Variants in AKIRIN1 observed in about 807,000 individuals in gnomAD.
AKIRIN1 encodes the protein akirin-1.
AKIRIN1 carries 4 observed loss-of-function variants against 25.9 expected under a neutral mutation model. The observed-to-expected ratio is 0.15, with a 90% confidence interval of 0.08 to 0.35. AKIRIN1 has a LOEUF of 0.35. Ranked by LOEUF, AKIRIN1 falls within the 10% of genes least tolerant of loss-of-function variation. AKIRIN1 has a pLI of 1.00. For synonymous variants in AKIRIN1, 125 were observed against 105.1 expected (o/e 1.19, Z -1.16); for missense variants, 243 against 266.1 (o/e 0.91, Z 0.61).
intron 3 of AKIRIN1, among the ~76,000 whole-genome samples, chr1:39,002,025 A>C (rs1001262162): frequency 6.6e-6 from 1 of 152,238 alleles, no homozygotes; most frequent in Non-Finnish European, 1.5e-5. Context: ...TTGTGAAAGA[A>C]AGAGATCTGA....
In AKIRIN1 at chr1:39,004,261, A is replaced by T; in HGVS notation, c.*206A>T. The T allele has an allele frequency of 1.4e-6, 1 of 706,682 alleles. No homozygotes were observed. Among genetic ancestry groups the T allele is most frequent in the South Asian group, 1.5e-5 (1 of 67,038 alleles). 43.8% of individuals were successfully genotyped at this position (706,682 alleles called of 1,614,324 possible). A position where few individuals can be genotyped will look rare whatever the true frequency, so the allele number is the denominator to read the frequency against. On this transcript the variant is annotated 3_prime_UTR_variant, in exon 5 of 5. Transcript: ENST00000432648. ...TATCTTTCTTTTCTGCTCATCCAATAAACAGCTGTGCCCTACTGTGATAGA... is the reference window on the plus strand; with the variant it reads ...TATCTTTCTTTTCTGCTCATCCAATTAACAGCTGTGCCCTACTGTGATAGA...
intron 3 of AKIRIN1, among the ~76,000 whole-genome samples, chr1:39,002,816 T>A (rs2148070147): frequency 6.6e-6 from 1 of 152,322 alleles, no homozygotes; most frequent in Non-Finnish European, 1.5e-5. Context: ...CTGAGTCACT[T>A]CTTTGTTCAC....
Position 38,998,320 on chromosome 1 carries a change from A to T in AKIRIN1, c.361+9A>T. 1 of 1,588,168 alleles carries T rather than the reference A, an allele frequency of 6.3e-7. No homozygotes were observed. Among genetic ancestry groups the T allele is most frequent in the Admixed American group, 1.8e-5 (1 of 54,558 alleles). ...AGCACCTAGCTCTCCAGGTAAGCCC[A>T]CTTTGATCTGCAAAATTCGCATTAA... On this transcript the variant is annotated intron_variant, in intron 2 of 4. Coordinates refer to ENST00000432648, the MANE Select transcript of AKIRIN1 (RefSeq NM_024595.3).
intron 1 of AKIRIN1, 21 bp from the exon 2 acceptor site, chr1:38,998,150 A>G (rs929024585): frequency 1.7e-5 from 27 of 1,598,592 alleles, no homozygotes; most frequent in Non-Finnish European, 2.2e-5. Context: ...TGAAAGCTCA[A>G]GTTTGTTTCT....
In AKIRIN1 at chr1:38,994,986, G is replaced by A. The variant is rs969499087; in HGVS notation, c.221-3185G>A. Among the ~76,000 whole-genome samples, 8 of 151,740 alleles carry A rather than the reference G, an allele frequency of 5.3e-5. No homozygotes were observed. In the East Asian group the frequency reaches 5.8e-4, roughly 11 times the overall value. On this transcript the variant is annotated intron_variant, in intron 1 of 4. Coordinates refer to ENST00000432648, the MANE Select transcript of AKIRIN1 (RefSeq NM_024595.3). ...ATTACAGGCATGAGCCACCACACCC[G>A]GCCTACTAATTTTTGTATTTTTTTT...
intron 4 of AKIRIN1, 139 bp downstream of exon 4, chr1:39,003,557 C>A: frequency 1.3e-6 from 1 of 746,172 alleles, no homozygotes; most frequent in Non-Finnish European, 2.2e-6. Flanking sequence ...AAATCCACAC[C>A]AAAGCTTATA....
In AKIRIN1 at chr1:38,994,672, ATTTTTTTTTTTTTTTTTT is replaced by A. The variant is rs10528399; in HGVS notation, c.220+3089_220+3106del. 2.0e-4 allele frequency among the ~76,000 whole-genome samples: 13 copies of A among 63,558 alleles called. No homozygotes were observed. In the East Asian group the frequency reaches 4.6e-3, roughly 23 times the overall value. 41.7% of individuals were successfully genotyped at this position (63,558 alleles called of 152,430 possible). A position where few individuals can be genotyped will look rare whatever the true frequency, so the allele number is the denominator to read the frequency against. ...AGGCATGTGTCACTACGCTCGGCTA[ATTTTTTTTTTTTTTTTTT>A]TTTTTTTTTTTTTTTTGAGATGACG... On this transcript the variant is annotated intron_variant, in intron 1 of 4. Coordinates refer to ENST00000432648, the MANE Select transcript of AKIRIN1 (RefSeq NM_024595.3).
intron 1 of AKIRIN1, among the ~76,000 whole-genome samples, chr1:38,997,109 T>TAA (rs11453570): frequency 2.4e-4 from 35 of 147,150 alleles, no homozygotes; most frequent in East Asian, 7.9e-4. Context: ...CTCCCACCAT[T>TAA]AAAAAAAAAA....
At chr1:38,993,984 C>T (rs886645380) in intron 1 of AKIRIN1, among the ~76,000 whole-genome samples, 6 of 151,574 alleles carry the variant, frequency 4.0e-5, no homozygotes, top group Admixed American at 2.0e-4. Context: ...GCAGGAGAAT[C>T]GCTTGAACCT....
chr1:38,991,461 C>T lies in AKIRIN1; in HGVS notation c.81C>T (p.Arg27=). The T allele has an allele frequency of 5.0e-6, 7 of 1,388,368 alleles. No homozygotes were observed. Among genetic ancestry groups the T allele is most frequent in the Non-Finnish European group, 6.5e-6 (7 of 1,077,418 alleles). 86.0% of individuals were successfully genotyped at this position (1,388,368 alleles called of 1,614,324 possible). A position where few individuals can be genotyped will look rare whatever the true frequency, so the allele number is the denominator to read the frequency against. ...LLSPGSPKRR[R]CAPLPGPTPG... Reference sequence around the variant, plus strand: ...GCCCCGGCTCCCCGAAGCGGCGGCGCTGCGCCCCTCTGCCCGGCCCCACTC... The same window carrying T: ...GCCCCGGCTCCCCGAAGCGGCGGCGTTGCGCCCCTCTGCCCGGCCCCACTC... Residue 27 remains arginine, a synonymous_variant, in exon 1 of 5, where the codon CGC becomes CGT. Coordinates refer to ENST00000432648, the MANE Select transcript of AKIRIN1 (RefSeq NM_024595.3).
intron 1 of AKIRIN1, among the ~76,000 whole-genome samples, chr1:38,995,346 C>CACT (rs1259454711): frequency 6.6e-6 from 1 of 152,182 alleles, no homozygotes; most frequent in African/African-American, 2.4e-5. Context: ...GCAGTAGGAA[C>CACT]ACTGTAGAGT....
At chr1:39,000,240 G>C (rs1220361158) in intron 2 of AKIRIN1, among the ~76,000 whole-genome samples, 1 of 152,016 alleles carries the variant, frequency 6.6e-6, no homozygotes, top group Non-Finnish European at 1.5e-5. Flanking sequence ...TCACTTGCCA[G>C]CTCCAGAACC....
intron 2 of AKIRIN1, 33 bp from the exon 3 acceptor site, chr1:39,000,939 A>T: frequency 1.3e-6 from 2 of 1,595,776 alleles, no homozygotes; most frequent in Non-Finnish European, 1.7e-6. Flanking sequence ...GAACCACCGC[A>T]CCTGGCCCAA....
At chr1:38,998,679 G>C (rs917547942) in intron 2 of AKIRIN1, among the ~76,000 whole-genome samples, 1 of 152,028 alleles carries the variant, frequency 6.6e-6, no homozygotes, top group Non-Finnish European at 1.5e-5. Context: ...TGAGGCAGGC[G>C]GATCTCCTGA....
At chr1:39,001,840 ACT>A (rs1258358873) in intron 3 of AKIRIN1, among the ~76,000 whole-genome samples, 7 of 147,758 alleles carry the variant, frequency 4.7e-5, no homozygotes, top group Non-Finnish European at 8.9e-5. Context: ...ACTGTACTAA[ACT>A]CTCAACAGGT....
At chr1:38,991,660 TGGTGGGGGA>T in intron 1 of AKIRIN1, 60 bp downstream of exon 1, 19 of 99,188 alleles carry the variant, frequency 1.9e-4, no homozygotes, top group Non-Finnish European at 2.8e-4. Flanking sequence ...TTGGGGGGGG[TGGTGGGGGA>T]GGGTTGGGAA....
At chr1:39,000,548 C>A (rs1240402364) in intron 2 of AKIRIN1, among the ~76,000 whole-genome samples, 1 of 151,738 alleles carries the variant, frequency 6.6e-6, no homozygotes, top group Non-Finnish European at 1.5e-5. Context: ...AGGGGTTTCT[C>A]CATGTTGGTC....
In AKIRIN1 at chr1:39,005,446, GT is replaced by G. The variant is rs1644027836; in HGVS notation, c.*1394del. Reference sequence around the variant, plus strand: ...TCGCATATAGGCTGTTCTTCACCTTGTTTCCAAGGCTGAGGAACAGAAAGTA... The same window carrying G: ...TCGCATATAGGCTGTTCTTCACCTTGTTCCAAGGCTGAGGAACAGAAAGTA... On this transcript the variant is annotated 3_prime_UTR_variant, in exon 5 of 5. Transcript: ENST00000432648. The G allele has an allele frequency of 6.6e-6, 1 of 152,058 alleles. No homozygotes were observed. The highest frequency in any genetic ancestry group is 2.4e-5 in the African/African-American group (1 of 41,410). 9.4% of individuals were successfully genotyped at this position (152,058 alleles called of 1,614,324 possible). A position where few individuals can be genotyped will look rare whatever the true frequency, so the allele number is the denominator to read the frequency against.
chr1:39,004,371 G>GTTC lies in AKIRIN1; in HGVS notation c.*318_*320dup. 1.9e-6 allele frequency: 1 copy of GTTC among 519,338 alleles called. No homozygotes were observed. Among genetic ancestry groups the GTTC allele is most frequent in the Non-Finnish European group, 3.5e-6 (1 of 284,752 alleles). 32.2% of individuals were successfully genotyped at this position (519,338 alleles called of 1,614,324 possible). A position where few individuals can be genotyped will look rare whatever the true frequency, so the allele number is the denominator to read the frequency against. On this transcript the variant is annotated 3_prime_UTR_variant, in exon 5 of 5. Transcript: ENST00000432648. The stretch of plus-strand genomic sequence containing the variant: ...AACAAATGGAGTTTCCCCAAGCACA[G>GTTC]TTCTGTAAGAAGTGCGTGTGAGAGT...
Sources: allele counts gnomAD v4.1 joint callset (sites outside exome capture counted in the v4.1 genomes callset), GRCh38; gene constraint gnomAD v4.1.1; transcripts MANE v1.5; gene names NCBI Gene and HGNC (gene_info 2026-07-23, HGNC 2026-07-21).